Variants in CGGBP1 observed in about 807,000 individuals in gnomAD.
CGGBP1 encodes CGG triplet repeat binding protein 1, also known as CGG triplet repeat-binding protein 1.
A neutral mutation model predicts 11.4 loss-of-function variants in CGGBP1; 4 were observed. The observed-to-expected ratio is 0.35, with a 90% CI of 0.17 to 0.80. The LOEUF (loss-of-function observed/expected upper bound fraction) is 0.80, where lower values mean the gene tolerates loss of function less well. Ranked by LOEUF, CGGBP1 falls within the 30% of genes least tolerant of loss-of-function variation. The pLI, the probability that CGGBP1 is intolerant of heterozygous loss-of-function variation, is 0.52. For synonymous variants in CGGBP1, 76 were observed against 74.1 expected (o/e 1.03, Z -0.13); for missense variants, 135 against 202.1 (o/e 0.67, Z 2.01).
At chr3:88,139,929 G>A (rs1268416056) in intron 2 of CGGBP1, 3 of 1,613,612 alleles carry the variant, frequency 1.9e-6, no homozygotes, top group East Asian at 2.2e-5. Context: ...TCTTGGTTGT[G>A]TCCGGATATT....
intron 2 of CGGBP1, among the ~76,000 whole-genome samples, chr3:88,124,647 A>G (rs1244959727): frequency 6.6e-6 from 1 of 152,202 alleles, no homozygotes; most frequent in Non-Finnish European, 1.5e-5. Flanking sequence ...ATTTCTGAAA[A>G]TATGTTTTTT....
At chr3:88,138,876 C>A in intron 2 of CGGBP1, 2 of 1,231,994 alleles carry the variant, frequency 1.6e-6, no homozygotes, top group Non-Finnish European at 2.0e-6. Context: ...TTTTCTGGAG[C>A]GCTCCTTAGA....
chr3:88,057,716 A>C (rs1678994486), intron 2 of CGGBP1: 1 of 152,236 alleles, frequency 6.6e-6, no homozygotes, highest in African/African-American at 2.4e-5. Context: ...CAAAAACAAT[A>C]AGCATGTAAT....
intron 2 of CGGBP1, among the ~76,000 whole-genome samples, chr3:88,109,723 A>G (rs1202026782): frequency 1.3e-5 from 2 of 152,180 alleles, no homozygotes; most frequent in Non-Finnish European, 2.9e-5. Flanking sequence ...AATTATTTCA[A>G]TTTAGGTAAG....
At chr3:88,077,642 AC>A (rs1258971669) in intron 2 of CGGBP1, among the ~76,000 whole-genome samples, 1 of 152,018 alleles carries the variant, frequency 6.6e-6, no homozygotes, top group African/African-American at 2.4e-5. Flanking sequence ...AGATAGGGAA[AC>A]CTTTTCAAAA....
At chr3:88,081,492 T>C (rs1708074493) in intron 2 of CGGBP1, among the ~76,000 whole-genome samples, 2 of 152,208 alleles carry the variant, frequency 1.3e-5, no homozygotes, top group African/African-American at 4.8e-5. Flanking sequence ...TCTCTGTTTG[T>C]CTTTTTCCTT....
intron 2 of CGGBP1, among the ~76,000 whole-genome samples, chr3:88,066,598 T>C (rs1327536152): frequency 1.3e-5 from 2 of 151,880 alleles, no homozygotes; most frequent in Non-Finnish European, 2.9e-5. Flanking sequence ...CAAAAAAACC[T>C]CAATTTTAAT....
At chr3:88,074,664 T>C (rs1409972260) in intron 2 of CGGBP1, among the ~76,000 whole-genome samples, 1 of 152,168 alleles carries the variant, frequency 6.6e-6, no homozygotes, top group Non-Finnish European at 1.5e-5. Context: ...CTTAAGAGTC[T>C]TGAAGATCAG....
chr3:88,101,445 T>C (rs1193279485), intron 2 of CGGBP1, among the ~76,000 whole-genome samples: 5 of 152,238 alleles, frequency 3.3e-5, no homozygotes, highest in African/African-American at 7.2e-5. Context: ...GAAATAGTCA[T>C]GTAAAATATT....
upstream of CGGBP1, among the ~76,000 whole-genome samples, chr3:88,060,400 C>T (rs564842125): frequency 6.6e-6 from 1 of 152,304 alleles, no homozygotes; most frequent in Non-Finnish European, 1.5e-5. Flanking sequence ...TTTGTGTACT[C>T]TGCATTCTCA....
At chr3:88,134,768 C>A (rs1706672164) in intron 2 of CGGBP1, among the ~76,000 whole-genome samples, 1 of 151,918 alleles carries the variant, frequency 6.6e-6, no homozygotes, top group South Asian at 2.1e-4. Context: ...TCAGTATTGG[C>A]ACATTAGGAT....
chr3:88,125,673 A>T (rs1007968389), intron 2 of CGGBP1, among the ~76,000 whole-genome samples: 1 of 152,188 alleles, frequency 6.6e-6, no homozygotes, highest in Non-Finnish European at 1.5e-5. Flanking sequence ...GGATCAGGAC[A>T]GGAGACTTTT....
chr3:88,146,850 A>G (rs1707322109), intron 1 of CGGBP1, among the ~76,000 whole-genome samples: 1 of 152,110 alleles, frequency 6.6e-6, no homozygotes, highest in Non-Finnish European at 1.5e-5. Context: ...CCTCCTCTCA[A>G]TAAATGGCAA....
chr3:88,106,928 T>C (rs1704777545), intron 2 of CGGBP1, among the ~76,000 whole-genome samples: 1 of 152,238 alleles, frequency 6.6e-6, no homozygotes, highest in East Asian at 1.9e-4. Flanking sequence ...CACATACTAT[T>C]GTGGTCTCTT....
At chr3:88,139,981 A>C in intron 2 of CGGBP1, 1 of 1,613,828 alleles carries the variant, frequency 6.2e-7, no homozygotes, top group Non-Finnish European at 8.5e-7. Context: ...ATGACCGTAC[A>C]TCCAACCGAT....
intron 2 of CGGBP1, among the ~76,000 whole-genome samples, chr3:88,128,554 A>T (rs549237094): frequency 6.6e-6 from 1 of 152,174 alleles, no homozygotes; most frequent in East Asian, 1.9e-4. Context: ...TTTTTTTTAA[A>T]TTTTGTTTCT....
chr3:88,129,688 A>T, intron 2 of CGGBP1: 1 of 1,473,472 alleles, frequency 6.8e-7, no homozygotes, highest in African/African-American at 1.4e-5. Flanking sequence ...CTCTTACAGC[A>T]TTTATTGAAA....
chr3:88,106,571 G>A (rs1704751024), intron 2 of CGGBP1, among the ~76,000 whole-genome samples: 1 of 152,156 alleles, frequency 6.6e-6, no homozygotes, highest in African/African-American at 2.4e-5. Flanking sequence ...TCAAACTCCT[G>A]ACCTCAATTG....
Position 88,141,653 on chromosome 3 carries a change from T to G in CGGBP1, c.-337-575A>C, listed in dbSNP as rs1480624346. 5 of 1,510,804 alleles carry G rather than the reference T, an allele frequency of 3.3e-6. No individual in the cohort carries two copies. In the Admixed American group the frequency reaches 9.7e-5, roughly 29 times the overall value. The allele number at this position is 1,510,804 out of a possible 1,614,324, so 93.6% of individuals were successfully genotyped here. On this transcript the variant is annotated intron_variant, in intron 1 of 3. Transcript: ENST00000462901. ...TGTGTTCTGTTTTACAGGTGCCTGA[T>G]GAAAACGGTTCAGAAAGATCTGTCA...
Sources: gnomAD v4.1 joint callset for allele counts (sites outside exome capture counted in the v4.1 genomes callset) on GRCh38, gnomAD v4.1.1 for gene constraint, MANE v1.5 for transcripts, NCBI Gene and HGNC (gene_info 2026-07-23, HGNC 2026-07-21) for gene names.